Variants in TMED3 observed in about 807,000 individuals in gnomAD.
TMED3 encodes transmembrane emp24 domain-containing protein 3.
Under a neutral mutation model 15.0 loss-of-function variants are expected in TMED3, and 9 were observed. That is an observed-to-expected ratio of 0.60 (90% CI 0.36 to 1.04). TMED3 has a LOEUF of 1.04. Ranked by LOEUF, TMED3 falls within the 50% of genes least tolerant of loss-of-function variation. The pLI is 0.01. For synonymous variants in TMED3, 117 were observed against 121.4 expected (o/e 0.96, Z 0.24); for missense variants, 267 against 278.9 (o/e 0.96, Z 0.30).
At chr15:79,355,304 C>T (rs1360328075) in intron 2 of TMED3, among the ~76,000 whole-genome samples, 1 of 152,050 alleles carries the variant, frequency 6.6e-6, no homozygotes, top group Non-Finnish European at 1.5e-5. Context: ...CAGAAGGGGC[C>T]CTATAGACTC....
intron 2 of TMED3, among the ~76,000 whole-genome samples, chr15:79,393,144 G>GAACA (rs1403302935): frequency 1.3e-5 from 2 of 152,082 alleles, no homozygotes; most frequent in African/African-American, 4.8e-5. Context: ...TTTGGATTTT[G>GAACA]AACAACTTTT....
At chr15:79,339,763 ATGG>A (rs931900983) in intron 2 of TMED3, among the ~76,000 whole-genome samples, 6 of 150,650 alleles carry the variant, frequency 4.0e-5, no homozygotes, top group Non-Finnish European at 7.4e-5. Flanking sequence ...AGTGGTGATT[ATGG>A]TGGTGTTGAT....
chr15:79,388,089 C>A (rs1326131670), intron 2 of TMED3, among the ~76,000 whole-genome samples: 2 of 151,830 alleles, frequency 1.3e-5, no homozygotes, highest in Non-Finnish European at 2.9e-5. Context: ...CTTATCTTAC[C>A]ATTTTAAACT....
chr15:79,371,838 C>T (rs1447603914), intron 2 of TMED3, among the ~76,000 whole-genome samples: 1 of 152,168 alleles, frequency 6.6e-6, no homozygotes, highest in African/African-American at 2.4e-5. Flanking sequence ...CCTCTGGGGA[C>T]AGTAAGCAAC....
chr15:79,338,901 C>G (rs1009940786), intron 2 of TMED3, among the ~76,000 whole-genome samples: 1 of 152,020 alleles, frequency 6.6e-6, no homozygotes, highest in African/African-American at 2.4e-5. Flanking sequence ...CTAAGCAGAC[C>G]GGGAAAGGGA....
chr15:79,392,836 C>G (rs568058305), intron 2 of TMED3, among the ~76,000 whole-genome samples: 4 of 152,204 alleles, frequency 2.6e-5, no homozygotes, highest in Non-Finnish European at 4.4e-5. Context: ...TATCTGGCTG[C>G]AAAGCTTGAG....
intron 2 of TMED3, among the ~76,000 whole-genome samples, chr15:79,363,529 A>T (rs1461595169): frequency 6.7e-6 from 1 of 149,372 alleles, no homozygotes; most frequent in Non-Finnish European, 1.5e-5. Context: ...AAAATCTCCA[A>T]GTGAAAAATG....
Position 79,322,459 on chromosome 15 carries a change from C to T in TMED3, c.*245C>T. The stretch of plus-strand genomic sequence containing the variant: ...GCTGAAAAGACATTTACAACTAGGC[C>T]AGGGATTAGCCACTGTGGGAGGGTG... On this transcript the variant is annotated 3_prime_UTR_variant, in exon 3 of 3. Coordinates refer to ENST00000299705, the MANE Select transcript of TMED3 (RefSeq NM_007364.4). 1 of 1,335,390 alleles carries T rather than the reference C, an allele frequency of 7.5e-7. No individual in the cohort carries two copies. The highest frequency in any genetic ancestry group is 9.6e-7 in the Non-Finnish European group (1 of 1,043,064). 82.7% of individuals were successfully genotyped at this position (1,335,390 alleles called of 1,614,324 possible). A position where few individuals can be genotyped will look rare whatever the true frequency, so the allele number is the denominator to read the frequency against.
chr15:79,367,499 C>G (rs8037754), intron 2 of TMED3, among the ~76,000 whole-genome samples: 17,137 of 152,200 alleles, frequency 0.11, 1,035 homozygotes, highest in Admixed American at 0.13. Flanking sequence ...AATGCAAGCC[C>G]AAGTCCTATC....
chr15:79,370,888 G>A (rs548643131), intron 2 of TMED3, among the ~76,000 whole-genome samples: 2 of 152,224 alleles, frequency 1.3e-5, no homozygotes, highest in South Asian at 4.2e-4. Context: ...TTTCTCCTTT[G>A]TGGTTGACTT....
At chr15:79,372,645 A>G (rs148960774) in intron 2 of TMED3, among the ~76,000 whole-genome samples, 1,589 of 152,278 alleles carry the variant, frequency 0.01, 25 homozygotes, top group African/African-American at 0.037. Context: ...CTCATTCACT[A>G]TCAGCAGAAC....
At position 79,381,887 on chromosome 15, in the gene TMED3, T is replaced by A. The variant is rs556378090; in HGVS notation, c.418-29513T>A. 5.9e-5 allele frequency among the ~76,000 whole-genome samples: 9 copies of A among 152,304 alleles called. No individual in the cohort carries two copies. The East Asian group carries it at 1.7e-3, about 29-fold the overall frequency. ...AGAGCTCACTGGGGTCTTAATGCTGTCAGAAGTATCCATATGGACTTAAAA... is the reference window on the plus strand; with the variant it reads ...AGAGCTCACTGGGGTCTTAATGCTGACAGAAGTATCCATATGGACTTAAAA... On this transcript the variant is annotated intron_variant, in intron 2 of 2. Transcript: ENST00000424155.
chr15:79,381,038 A>G (rs1192606999), intron 2 of TMED3, among the ~76,000 whole-genome samples: 1 of 152,196 alleles, frequency 6.6e-6, no homozygotes, highest in Non-Finnish European at 1.5e-5. Flanking sequence ...ACTGTATCTG[A>G]TCATTCCAAT....
chr15:79,354,431 A>G (rs1210094652), intron 2 of TMED3, among the ~76,000 whole-genome samples: 1 of 151,994 alleles, frequency 6.6e-6, no homozygotes, highest in Non-Finnish European at 1.5e-5. Context: ...TTTCTTTACC[A>G]CCCAAGGCTT....
intron 2 of TMED3, among the ~76,000 whole-genome samples, chr15:79,352,697 T>A (rs1818682237): frequency 7.0e-6 from 1 of 143,840 alleles, no homozygotes; most frequent in African/African-American, 2.5e-5. Context: ...TGTAACTGAA[T>A]ATATATATAT....
intron 2 of TMED3, among the ~76,000 whole-genome samples, chr15:79,397,117 G>A (rs1209101758): frequency 6.6e-6 from 1 of 152,150 alleles, no homozygotes; most frequent in African/African-American, 2.4e-5. Context: ...CTCATTTGCT[G>A]CTTAGCACCT....
At chr15:79,319,998 G>C (rs71409224) in intron 2 of TMED3, among the ~76,000 whole-genome samples, 1 of 79,166 alleles carries the variant, frequency 1.3e-5, no homozygotes, top group East Asian at 2.8e-4. Flanking sequence ...GGGCCTGACT[G>C]ATGTCAGGCC....
At chr15:79,408,840 T>C (rs1179141945) in intron 2 of TMED3, among the ~76,000 whole-genome samples, 2 of 152,250 alleles carry the variant, frequency 1.3e-5, no homozygotes, top group Non-Finnish European at 2.9e-5. Context: ...TTTAAAGGTA[T>C]AGCATCTTTC....
At chr15:79,338,568 G>C (rs570896626) in intron 2 of TMED3, among the ~76,000 whole-genome samples, 2 of 152,152 alleles carry the variant, frequency 1.3e-5, no homozygotes, top group African/African-American at 2.4e-5. Flanking sequence ...AATAAGAATA[G>C]TTATACCAGA....
Sources: gnomAD v4.1 joint callset for allele counts (sites outside exome capture counted in the v4.1 genomes callset) on GRCh38, gnomAD v4.1.1 for gene constraint, MANE v1.5 for transcripts, NCBI Gene and HGNC (gene_info 2026-07-23, HGNC 2026-07-21) for gene names.